The following TTC7B variants were observed in gnomAD, a reference collection of about 807,000 sequenced individuals.
TTC7B encodes the protein tetratricopeptide repeat domain 7B, also known as tetratricopeptide repeat protein 7B.
Under a neutral mutation model 106.8 loss-of-function variants are expected in TTC7B, and 28 were observed. The observed-to-expected ratio is 0.26, with a 90% CI of 0.19 to 0.36. The LOEUF (loss-of-function observed/expected upper bound fraction) is 0.36, where lower values mean the gene tolerates loss of function less well. TTC7B is among the 10% of genes least tolerant of loss of function. TTC7B has a pLI of 1.00. For synonymous variants in TTC7B, 405 were observed against 430.6 expected, an observed-to-expected ratio of 0.94 and a Z score of 0.74; for missense variants, 862 against 1,076.4, an observed-to-expected ratio of 0.80 and a Z score of 2.79.
At chr14:90,794,086 A>G (rs552061874) in intron 1 of TTC7B, among the ~76,000 whole-genome samples, 1 of 150,756 alleles carries the variant, frequency 6.6e-6, no homozygotes, top group Non-Finnish European at 1.5e-5. Context: ...TATTTTTAGT[A>G]GAGACAGGGT....
At chr14:90,795,814 T>G (rs1384664484) in intron 1 of TTC7B, among the ~76,000 whole-genome samples, 1 of 152,128 alleles carries the variant, frequency 6.6e-6, no homozygotes, top group Non-Finnish European at 1.5e-5. Context: ...AGGCCTGCAA[T>G]GTAGCAGGAG....
At position 90,734,122 on chromosome 14, in the gene TTC7B, C is replaced by A. The variant is rs184804113; in HGVS notation, c.577-3926G>T. Reference sequence around the variant, plus strand: ...TGAGACATATAAGATGGAAAATATTCGAAAGGAGGAAACAGGCCAGGCGTG... The same window carrying A: ...TGAGACATATAAGATGGAAAATATTAGAAAGGAGGAAACAGGCCAGGCGTG... On this transcript the variant is annotated intron_variant, in intron 4 of 19. Transcript: ENST00000328459. Among the ~76,000 whole-genome samples the A allele has an allele frequency of 1.4e-3, 220 of 151,910 alleles. 1 individual carries two copies. Among genetic ancestry groups the A allele is most frequent in the African/African-American group, 5.2e-3 (215 of 41,428 alleles).
intron 4 of TTC7B, among the ~76,000 whole-genome samples, chr14:90,730,459 G>A (rs1334219056): frequency 6.6e-6 from 1 of 152,192 alleles, no homozygotes; most frequent in Non-Finnish European, 1.5e-5. Flanking sequence ...TGAGCAGGTG[G>A]TGCTGTAAGA....
chr14:90,637,585 A>G (rs1047918341), intron 15 of TTC7B, among the ~76,000 whole-genome samples: 8 of 152,242 alleles, frequency 5.3e-5, no homozygotes, highest in African/African-American at 1.9e-4. Flanking sequence ...GAATAGGCCT[A>G]TTTTGCAAAT....
chr14:90,594,091 G>A (rs866868773), intron 17 of TTC7B, among the ~76,000 whole-genome samples: 4 of 152,144 alleles, frequency 2.6e-5, no homozygotes, highest in African/African-American at 4.8e-5. Context: ...GCAACTTCCC[G>A]TTTCATTAGT....
intron 5 of TTC7B, among the ~76,000 whole-genome samples, chr14:90,707,918 G>A (rs189866846): frequency 1.2e-3 from 187 of 152,144 alleles, no homozygotes; most frequent in African/African-American, 4.4e-3. Context: ...AGGCCGAGGC[G>A]GGCGGATCAC....
At position 90,658,306 on chromosome 14, in the gene TTC7B, T is replaced by G; in HGVS notation, c.1234A>C (p.Lys412Gln). Residue 412 changes from lysine (K) to glutamine (Q), a missense_variant and splice_region_variant, in exon 10 of 20, where the codon AAA (lysine) becomes CAA (glutamine). Physicochemically the swap from Lys to Gln is moderately conservative, Grantham distance 53. Transcript: ENST00000328459. ...TGCCCATCACAAAAGGGACTCACTT[T>G]TCCAGCAGCCATCAGGGACAGAGCA... ...QFALSLMAAG[K>Q]SARAVKVLKE... is the part of the protein sequence containing the mutation. 6.2e-7 allele frequency: 1 copy of G among 1,613,992 alleles called. No homozygotes were observed. Among genetic ancestry groups the G allele is most frequent in the Non-Finnish European group, 8.5e-7 (1 of 1,179,872 alleles).
intron 1 of TTC7B, among the ~76,000 whole-genome samples, chr14:90,812,697 C>T (rs2030964115): frequency 1.3e-5 from 2 of 151,832 alleles, no homozygotes; most frequent in South Asian, 4.2e-4. Context: ...CAGCTAGGTT[C>T]CACCACATTT....
intron 3 of TTC7B, chr14:90,766,503 C>T: frequency 1.4e-6 from 1 of 699,268 alleles, no homozygotes. Flanking sequence ...GGACAGGAGG[C>T]CTACGTGCCA....
At position 90,657,705 on chromosome 14, in the gene TTC7B, G is replaced by A. The variant is rs372676909; in HGVS notation, c.1237-427C>T. On this transcript the variant is annotated intron_variant, in intron 10 of 19. Transcript: ENST00000328459. This position sits in a 1 kb window ranked among gnomAD's most constrained non-coding sequence, Gnocchi z 4.2. ...AATTAGCAAGAAAAACAATAGCTAC[G>A]ACCTCTGTTGAGTGTATACACAGCA... 2.7e-4 allele frequency: 58 copies of A among 214,800 alleles called. 1 individual carries two copies. Among genetic ancestry groups the A allele is most frequent in the Non-Finnish European group, 4.6e-4 (49 of 106,122 alleles). The allele number at this position is 214,800 out of a possible 1,614,324, so 13.3% of individuals were successfully genotyped here. A position where few individuals can be genotyped will look rare whatever the true frequency, so the allele number is the denominator to read the frequency against.
intron 18 of TTC7B, among the ~76,000 whole-genome samples, chr14:90,589,691 A>G (rs564566760): frequency 6.6e-6 from 1 of 152,352 alleles, no homozygotes; most frequent in Non-Finnish European, 1.5e-5. Flanking sequence ...CTCAAACCAC[A>G]TAAGGTAAAA....
chr14:90,804,634 C>G (rs1047726422), intron 1 of TTC7B, among the ~76,000 whole-genome samples: 1 of 152,160 alleles, frequency 6.6e-6, no homozygotes, highest in Admixed American at 6.5e-5. Flanking sequence ...TCTCAGAGAC[C>G]ACCTCCCCAG....
chr14:90,621,505 C>G (rs1031268789), intron 15 of TTC7B, among the ~76,000 whole-genome samples: 2 of 151,852 alleles, frequency 1.3e-5, no homozygotes, highest in African/African-American at 4.8e-5. Context: ...GCAGAAGCCA[C>G]GTGGGTACGG....
chr14:90,769,409 A>G (rs1033105492), intron 3 of TTC7B, among the ~76,000 whole-genome samples: 2 of 152,216 alleles, frequency 1.3e-5, no homozygotes, highest in Non-Finnish European at 2.9e-5. Flanking sequence ...TGATCCAACT[A>G]TATGCCGTCT....
rs922185936 is a variant in TTC7B at position 90,805,061 on chromosome 14, C to A, written c.121+11114G>T. 8.5e-5 allele frequency among the ~76,000 whole-genome samples: 13 copies of A among 152,256 alleles called. No individual in the cohort carries two copies. The highest frequency in any genetic ancestry group is 3.1e-4 in the African/African-American group (13 of 41,558). ...AGGCAGGCAGGGCTACACAGCCACC[C>A]TGGAGATGACACCAACAGTCTTCGG... On this transcript the variant is annotated intron_variant, in intron 1 of 19. Coordinates refer to ENST00000328459, the MANE Select transcript of TTC7B (RefSeq NM_001010854.2). This position sits in a 1 kb window ranked among gnomAD's most constrained non-coding sequence, Gnocchi z 4.0.
intron 13 of TTC7B, among the ~76,000 whole-genome samples, chr14:90,651,274 C>G (rs1157303557): frequency 1.3e-5 from 2 of 152,208 alleles, no homozygotes; most frequent in Non-Finnish European, 2.9e-5. Context: ...ATATTTCACA[C>G]AAATTCTAAT....
chr14:90,545,935 C>T (rs577536157), intron 19 of TTC7B, among the ~76,000 whole-genome samples: 1 of 152,338 alleles, frequency 6.6e-6, no homozygotes, highest in East Asian at 1.9e-4. Flanking sequence ...GTAGGAACTG[C>T]CATTTTCAGA....
At chr14:90,569,148 C>T (rs1409172238) in intron 19 of TTC7B, among the ~76,000 whole-genome samples, 1 of 152,216 alleles carries the variant, frequency 6.6e-6, no homozygotes, top group Non-Finnish European at 1.5e-5. Context: ...CTCCATATCT[C>T]CTCCCCAGAG....
rs191664348 is a variant in TTC7B, at chr14:90,622,065, G to A, written c.1752-4020C>T. ...AACTGTCAACACGATGAAGAGGGCAGAGGAGATGCAGGTGAGACTGTAAGC... is the reference window on the plus strand; with the variant it reads ...AACTGTCAACACGATGAAGAGGGCAAAGGAGATGCAGGTGAGACTGTAAGC... On this transcript the variant is annotated intron_variant, in intron 15 of 19. Transcript: ENST00000328459. Among the ~76,000 whole-genome samples the A allele has an allele frequency of 1.4e-3, 213 of 151,814 alleles. 1 individual carries two copies. The highest frequency in any genetic ancestry group is 4.9e-3 in the African/African-American group (203 of 41,430).
Sources: allele counts gnomAD v4.1 joint callset (sites outside exome capture counted in the v4.1 genomes callset), GRCh38; gene constraint gnomAD v4.1.1; non-coding constraint Gnocchi (gnomAD v3.1); transcripts MANE v1.5; gene names NCBI Gene and HGNC (gene_info 2026-07-23, HGNC 2026-07-21).